NUFIP1: variants seen among roughly 807,000 people sequenced by gnomAD.
The protein encoded by NUFIP1 is nuclear FMR1 interacting protein 1, also known as FMR1-interacting protein NUFIP1.
A neutral mutation model predicts 56.2 loss-of-function variants in NUFIP1; 38 were observed. The ratio of observed to expected loss-of-function variants is 0.68; its 90% CI spans 0.52 to 0.89. The LOEUF (loss-of-function observed/expected upper bound fraction) is 0.89. Among genes scored for constraint, NUFIP1 ranks in the 40% least tolerant of loss-of-function variants. NUFIP1 has a pLI of 0.00. For missense variants in NUFIP1, 567 were observed against 605.8 expected, an observed-to-expected ratio of 0.94 and a Z score of 0.67; for synonymous variants, 215 against 212.4, an observed-to-expected ratio of 1.01 and a Z score of -0.10.
intron 7 of NUFIP1, among the ~76,000 whole-genome samples, chr13:44,952,344 C>T (rs1265391873): frequency 2.0e-5 from 3 of 152,080 alleles, no homozygotes; most frequent in Non-Finnish European, 2.9e-5. Context: ...AGGCTGGTCT[C>T]GAACTCCTTA....
chr13:44,960,469 G>C (rs1871386713), intron 6 of NUFIP1, among the ~76,000 whole-genome samples: 1 of 151,984 alleles, frequency 6.6e-6, no homozygotes, highest in African/African-American at 2.4e-5. Flanking sequence ...GTTTCACCAT[G>C]TTGGCCAGGA....
At chr13:44,948,180 T>C (rs963223298) in intron 8 of NUFIP1, among the ~76,000 whole-genome samples, 3 of 147,648 alleles carry the variant, frequency 2.0e-5, no homozygotes, top group African/African-American at 7.6e-5. Context: ...AGTCTCACTG[T>C]CACCCGGGCT....
intron 8 of NUFIP1, among the ~76,000 whole-genome samples, chr13:44,943,889 C>T (rs1593355970): frequency 6.6e-6 from 1 of 152,026 alleles, no homozygotes; most frequent in East Asian, 1.9e-4. Flanking sequence ...AGAAGACTAC[C>T]ATGAAGAGCT....
At chr13:44,953,573 T>G (rs571541327) in intron 7 of NUFIP1, among the ~76,000 whole-genome samples, 1 of 152,232 alleles carries the variant, frequency 6.6e-6, no homozygotes, top group Admixed American at 6.5e-5. Context: ...TTATTTATTT[T>G]GTGGCACCAA....
chr13:44,966,170 T>C (rs1003500780), intron 5 of NUFIP1, among the ~76,000 whole-genome samples: 2 of 152,318 alleles, frequency 1.3e-5, no homozygotes, highest in Non-Finnish European at 2.9e-5. Flanking sequence ...ACTAGACAAG[T>C]GTACACTGGA....
chr13:44,988,239 G>T (rs1702225463), intron 1 of NUFIP1, among the ~76,000 whole-genome samples: 1 of 152,184 alleles, frequency 6.6e-6, no homozygotes, highest in Admixed American at 6.5e-5. Flanking sequence ...TCCAACACGG[G>T]GCAACCCCCT....
In NUFIP1 at chr13:44,967,616, G is replaced by A. The variant is rs556788408; in HGVS notation, c.735-1680C>T. On this transcript the variant is annotated intron_variant, in intron 5 of 9. Coordinates refer to ENST00000379161, the MANE Select transcript of NUFIP1 (RefSeq NM_012345.3). ...TGGAAAGGGAGACTCAGGCCAAAAT[G>A]TGTCTTGAATACCAAACTAGAAAGT... Among the ~76,000 whole-genome samples the A allele has an allele frequency of 3.3e-5, 5 of 152,330 alleles. No individual in the cohort carries two copies. In the South Asian group the frequency reaches 6.2e-4, roughly 19 times the overall value.
chr13:44,949,944 C>A (rs892412934), intron 7 of NUFIP1, 106 bp from the exon 8 acceptor site: 10 of 767,110 alleles, frequency 1.3e-5, no homozygotes, highest in Non-Finnish European at 2.1e-5. Context: ...CTGATCATTT[C>A]CTTAATCTTT....
chr13:44,981,034 T>C (rs1872171329), intron 2 of NUFIP1, among the ~76,000 whole-genome samples: 1 of 152,236 alleles, frequency 6.6e-6, no homozygotes, highest in Non-Finnish European at 1.5e-5. Flanking sequence ...CCAGGCATAA[T>C]TTTAAACTTT....
rs1202689018 is a variant in NUFIP1 at position 44,961,509 on chromosome 13, C to T, written c.828-1935G>A. ...ACATTTTTGAAATAATTTGTTAAAT[C>T]AACATGTTTATATATCTGCAATCCA... On this transcript the variant is annotated intron_variant, in intron 6 of 9. Transcript: ENST00000379161. Among the ~76,000 whole-genome samples the T allele has an allele frequency of 2.0e-5, 3 of 152,180 alleles. No homozygotes were observed. The East Asian group carries it at 5.8e-4, about 29-fold the overall frequency.
Position 44,941,105 on chromosome 13 carries a change from C to G in NUFIP1, c.*101G>C. The G allele has an allele frequency of 1.6e-6, 1 of 632,658 alleles. No individual in the cohort carries two copies. The highest frequency in any genetic ancestry group is 2.8e-6 in the Non-Finnish European group (1 of 357,476). 39.2% of individuals were successfully genotyped at this position (632,658 alleles called of 1,614,324 possible). A position where few individuals can be genotyped will look rare whatever the true frequency, so the allele number is the denominator to read the frequency against. ...TCCTACGAGGCTTACAATTTAATTACAAATCCAATTTTGACGGAAAAAAGG... is the reference window on the plus strand; with the variant it reads ...TCCTACGAGGCTTACAATTTAATTAGAAATCCAATTTTGACGGAAAAAAGG... On this transcript the variant is annotated 3_prime_UTR_variant, in exon 10 of 10. Coordinates refer to ENST00000379161, the MANE Select transcript of NUFIP1 (RefSeq NM_012345.3).
At chr13:44,941,864 C>T (rs1870751945) in intron 9 of NUFIP1, among the ~76,000 whole-genome samples, 1 of 151,996 alleles carries the variant, frequency 6.6e-6, no homozygotes, top group South Asian at 2.1e-4. Flanking sequence ...GGAGTCCTCT[C>T]TAAGAGTATC....
chr13:44,981,939 T>C (rs935685620), intron 2 of NUFIP1, 133 bp downstream of exon 2: 3 of 120,214 alleles, frequency 2.5e-5, no homozygotes, highest in African/African-American at 8.6e-5. Context: ...AACCATAAAA[T>C]TCCTTTTTAT....
intron 8 of NUFIP1, among the ~76,000 whole-genome samples, chr13:44,948,758 A>G (rs1870978032): frequency 6.6e-6 from 1 of 152,218 alleles, no homozygotes; most frequent in Admixed American, 6.5e-5. Flanking sequence ...GAAGGAAATT[A>G]AACTGGTTTA....
rs552353079 is a variant in NUFIP1, at chr13:44,966,543, G to A, written c.735-607C>T. Among the ~76,000 whole-genome samples, 96 of 152,130 alleles carry A rather than the reference G, an allele frequency of 6.3e-4. 1 individual carries two copies. Among genetic ancestry groups the A allele is most frequent in the African/African-American group, 2.2e-3 (93 of 41,544 alleles). The stretch of plus-strand genomic sequence containing the variant: ...TTGGCCAAACTGGTCTTGAACTCCT[G>A]ACCTCAGGTGACCCACCTGCCTCAG... On this transcript the variant is annotated intron_variant, in intron 5 of 9. Transcript: ENST00000379161.
At chr13:44,946,977 G>C (rs1012965396) in intron 8 of NUFIP1, among the ~76,000 whole-genome samples, 2 of 152,194 alleles carry the variant, frequency 1.3e-5, no homozygotes, top group Non-Finnish European at 2.9e-5. Flanking sequence ...GGAATGTGAA[G>C]CAAGGGTTTT....
intron 8 of NUFIP1, among the ~76,000 whole-genome samples, chr13:44,945,882 A>C (rs889267747): frequency 6.6e-6 from 1 of 152,092 alleles, no homozygotes; most frequent in Non-Finnish European, 1.5e-5. Context: ...GAGTGGCAAA[A>C]CCCATAATAC....
At chr13:44,979,523 G>A (rs1262402656) in intron 4 of NUFIP1, among the ~76,000 whole-genome samples, 1 of 152,166 alleles carries the variant, frequency 6.6e-6, no homozygotes. Flanking sequence ...TCTCTCAAAT[G>A]ACATTAAACA....
At chr13:44,961,050 C>T (rs1162309526) in intron 6 of NUFIP1, among the ~76,000 whole-genome samples, 1 of 116,738 alleles carries the variant, frequency 8.6e-6, no homozygotes, top group Non-Finnish European at 1.7e-5. Context: ...ACTCTGTCTC[C>T]AGAAAAAAAA....
Sources: gnomAD v4.1 joint callset for allele counts (sites outside exome capture counted in the v4.1 genomes callset) on GRCh38, gnomAD v4.1.1 for gene constraint, MANE v1.5 for transcripts, NCBI Gene and HGNC (gene_info 2026-07-23, HGNC 2026-07-21) for gene names.